HIPK2: variants seen among roughly 807,000 people sequenced by gnomAD.
The protein encoded by HIPK2 is homeodomain-interacting protein kinase 2.
HIPK2 carries 27 observed loss-of-function variants against 113.7 expected under a neutral mutation model. The ratio of observed to expected loss-of-function variants is 0.24; its 90% CI spans 0.17 to 0.33. The LOEUF (loss-of-function observed/expected upper bound fraction) is 0.33. Ranked by LOEUF, HIPK2 falls within the 10% of genes least tolerant of loss-of-function variation. The pLI is 1.00. For synonymous variants in HIPK2, 631 were observed against 642.2 expected (o/e 0.98, Z 0.26); for missense variants, 1,257 against 1,588.0 (o/e 0.79, Z 3.54).
intron 2 of HIPK2, among the ~76,000 whole-genome samples, chr7:139,684,221 T>A (rs1274545748): frequency 6.6e-6 from 1 of 152,202 alleles, no homozygotes; most frequent in African/African-American, 2.4e-5. Context: ...ACATGTGGTG[T>A]GTATTCCATC....
At chr7:139,645,281 G>A (rs556895466) in intron 2 of HIPK2, among the ~76,000 whole-genome samples, 2 of 152,288 alleles carry the variant, frequency 1.3e-5, no homozygotes, top group African/African-American at 4.8e-5. Context: ...GACAGTCTGG[G>A]ATAAAAGACA....
intron 2 of HIPK2, among the ~76,000 whole-genome samples, chr7:139,691,156 G>GC (rs1794393573): frequency 6.6e-6 from 1 of 152,132 alleles, no homozygotes; most frequent in South Asian, 2.1e-4. Context: ...AAAGGAAAAC[G>GC]CCCCCCTACC....
chr7:139,726,747 T>C (rs1795588166), intron 1 of HIPK2, among the ~76,000 whole-genome samples: 1 of 152,028 alleles, frequency 6.6e-6, no homozygotes, highest in Non-Finnish European at 1.5e-5. Flanking sequence ...CTGCATGGGA[T>C]TAACTGGAAG....
In HIPK2 at chr7:139,614,337, G is replaced by T. The variant is rs779530024; in HGVS notation, c.1939C>A (p.Arg647=). Residue 647 remains arginine (R), a synonymous_variant, in exon 8 of 15, where the codon CGG becomes AGG. Transcript: ENST00000406875. ...LQTGTAQICA[R]PDPFQQALIV... ...AGAGCTTGCTGGAACGGGTCAGGCCGGGCACAAATCTGGGCTGTTCCTGTC... is the reference window on the plus strand; with the variant it reads ...AGAGCTTGCTGGAACGGGTCAGGCCTGGCACAAATCTGGGCTGTTCCTGTC... 10 of 1,573,100 alleles carry T rather than the reference G, an allele frequency of 6.4e-6. No homozygotes were observed. The highest frequency in any genetic ancestry group is 8.7e-6 in the Non-Finnish European group (10 of 1,153,768).
intron 2 of HIPK2, among the ~76,000 whole-genome samples, chr7:139,690,471 C>T (rs1282160411): frequency 3.9e-5 from 6 of 152,010 alleles, no homozygotes; most frequent in African/African-American, 7.3e-5. Flanking sequence ...CCCTCATGAA[C>T]GGCTTAGTGT....
At chr7:139,767,777 A>G (rs1796576811) in intron 1 of HIPK2, among the ~76,000 whole-genome samples, 1 of 152,252 alleles carries the variant, frequency 6.6e-6, no homozygotes, top group Admixed American at 6.5e-5. Context: ...AACAGGAAAC[A>G]TTTCAAGTTG....
chr7:139,649,370 C>T (rs965047818), intron 2 of HIPK2, among the ~76,000 whole-genome samples: 2 of 152,194 alleles, frequency 1.3e-5, no homozygotes, highest in African/African-American at 4.8e-5. Context: ...CCTTCAGTTC[C>T]CAGCCTAAGA....
Position 139,673,263 on chromosome 7 carries a change from C to T in HIPK2, c.1104-41538G>A, listed in dbSNP as rs113325213. Among the ~76,000 whole-genome samples, 638 of 152,216 alleles carry T rather than the reference C, an allele frequency of 4.2e-3. 4 individuals are homozygous for T. Among genetic ancestry groups the T allele is most frequent in the African/African-American group, 0.012 (502 of 41,522 alleles). The stretch of plus-strand genomic sequence containing the variant: ...AGACAGAAAGATGATCAGCTGGAAA[C>T]AAACTGAAGGAGTGTGTTGGCTAGC... On this transcript the variant is annotated intron_variant, in intron 2 of 14. Coordinates refer to ENST00000406875, the MANE Select transcript of HIPK2 (RefSeq NM_022740.5).
rs2116785824 is a variant in HIPK2 at position 139,613,570 on chromosome 7, C to T, written c.1991-247G>A. ...AGGTCAGATTAAGGAGGCTGTAAGG[C>T]CAAAAGTAGGACAGATATGCTCGCA... On this transcript the variant is annotated intron_variant, in intron 8 of 14. Coordinates refer to ENST00000406875, the MANE Select transcript of HIPK2 (RefSeq NM_022740.5). The surrounding 1 kb of genome is among the most constrained non-coding windows in gnomAD (Gnocchi z 4.2). Among the ~76,000 whole-genome samples, 1 of 152,248 alleles carries T rather than the reference C, an allele frequency of 6.6e-6. No homozygotes were observed. Among genetic ancestry groups the T allele is most frequent in the East Asian group, 1.9e-4 (1 of 5,182 alleles).
At chr7:139,715,869 G>A in intron 2 of HIPK2, 63 bp downstream of exon 2, 2 of 1,561,292 alleles carry the variant, frequency 1.3e-6, no homozygotes, top group Middle Eastern at 1.7e-4. Flanking sequence ...GACTAAGGTG[G>A]CACATTCTCT....
chr7:139,753,101 T>C (rs1796307141), intron 1 of HIPK2, among the ~76,000 whole-genome samples: 1 of 152,214 alleles, frequency 6.6e-6, no homozygotes, highest in Admixed American at 6.5e-5. Context: ...TTGTTTTCTA[T>C]TCCATTCTTG....
intron 1 of HIPK2, among the ~76,000 whole-genome samples, chr7:139,724,939 A>G (rs902935583): frequency 4.6e-5 from 7 of 152,152 alleles, no homozygotes; most frequent in Non-Finnish European, 1.0e-4. Flanking sequence ...ATGGAATACT[A>G]TGCAGCCATA....
intron 2 of HIPK2, among the ~76,000 whole-genome samples, chr7:139,694,569 G>A (rs368269980): frequency 1.6e-4 from 24 of 152,240 alleles, no homozygotes; most frequent in East Asian, 3.9e-4. Flanking sequence ...GTCTCAAAGC[G>A]TTCTCGCCAC....
intron 2 of HIPK2, among the ~76,000 whole-genome samples, chr7:139,646,660 A>G (rs753800287): frequency 1.2e-4 from 19 of 152,236 alleles, no homozygotes; most frequent in Non-Finnish European, 1.9e-4. Context: ...ACGGAGCAAC[A>G]TTCAGCAAAA....
At chr7:139,707,039 C>T (rs746038621) in intron 2 of HIPK2, among the ~76,000 whole-genome samples, 1 of 152,348 alleles carries the variant, frequency 6.6e-6, no homozygotes, top group South Asian at 2.1e-4. Flanking sequence ...TCAACCCCTG[C>T]GACCAGAGCC....
intron 1 of HIPK2, among the ~76,000 whole-genome samples, chr7:139,751,307 A>C (rs1326538366): frequency 6.6e-6 from 1 of 152,052 alleles, no homozygotes; most frequent in African/African-American, 2.4e-5. Flanking sequence ...TCTTCTGGAG[A>C]GACAGGATTT....
At chr7:139,698,650 T>C (rs1262330749) in intron 2 of HIPK2, among the ~76,000 whole-genome samples, 2 of 152,216 alleles carry the variant, frequency 1.3e-5, no homozygotes, top group African/African-American at 4.8e-5. Context: ...TGATTTTCAT[T>C]AACACTGACC....
At chr7:139,744,753 G>A (rs575278401) in intron 1 of HIPK2, among the ~76,000 whole-genome samples, 74 of 152,246 alleles carry the variant, frequency 4.9e-4, no homozygotes, top group African/African-American at 1.8e-3. Flanking sequence ...ACGGACTTAC[G>A]GCAAGTGGAT....
rs1383673324 is a variant in HIPK2, at chr7:139,630,375, T to A, written c.1347+790A>T. ...CACCCCAGCCGCCACCCCACACTTC[T>A]ATACTGGGCAAACCCGCTTCATTCT... On this transcript the variant is annotated intron_variant, in intron 4 of 14. Transcript: ENST00000406875. The surrounding 1 kb of genome is among the most constrained non-coding windows in gnomAD (Gnocchi z 4.0). 6.6e-6 allele frequency among the ~76,000 whole-genome samples: 1 copy of A among 152,068 alleles called. No homozygotes were observed. The highest frequency in any genetic ancestry group is 1.5e-5 in the Non-Finnish European group (1 of 68,016).
Sources: allele counts gnomAD v4.1 joint callset (sites outside exome capture counted in the v4.1 genomes callset), GRCh38; gene constraint gnomAD v4.1.1; non-coding constraint Gnocchi (gnomAD v3.1); transcripts MANE v1.5; gene names NCBI Gene and HGNC (gene_info 2026-07-23, HGNC 2026-07-21).